The following ABAT variants were observed in gnomAD, a reference collection of about 807,000 sequenced individuals.
The protein encoded by ABAT is 4-aminobutyrate aminotransferase, also known as 4-aminobutyrate aminotransferase, mitochondrial.
ABAT carries 45 observed loss-of-function variants against 64.6 expected under a neutral mutation model. The ratio of observed to expected loss-of-function variants is 0.70; its 90% CI spans 0.55 to 0.89. The LOEUF is 0.89. ABAT is among the 40% of genes least tolerant of loss of function. ABAT has a pLI of 0.00. For missense variants in ABAT, 633 were observed against 658.4 expected (o/e 0.96, Z 0.42); for synonymous variants, 297 against 250.5 (o/e 1.19, Z -1.75).
At position 8,691,653 on chromosome 16, in the gene ABAT, C is replaced by G. The variant is rs141697608; in HGVS notation, c.-42+16942C>G. On this transcript the variant is annotated intron_variant, in intron 1 of 15. Coordinates refer to ENST00000268251, the MANE Select transcript of ABAT (RefSeq NM_020686.6). ...AGGGGGTTTCGCCATGTTGGCCAGG[C>G]GGGTCTCAAACTCCTGATCTCAGGC... is the stretch of plus-strand genomic sequence containing the variant. 7.3e-4 allele frequency among the ~76,000 whole-genome samples: 111 copies of G among 152,248 alleles called. 2 individuals carry two copies. The East Asian group carries it at 0.021, about 28-fold the overall frequency.
intron 2 of ABAT, among the ~76,000 whole-genome samples, chr16:8,744,899 T>C (rs1422371437): frequency 6.6e-6 from 1 of 152,128 alleles, no homozygotes; most frequent in African/African-American, 2.4e-5. Flanking sequence ...AAACAATTAA[T>C]GGGTGCATAA....
rs559831527 is a variant in ABAT at position 8,767,267 on chromosome 16, C to A, written c.604-926C>A. ...AAAGGGACAGGGCGTCCATGCACCCCTCCTGAACCCAAGGCGCAGCTGCCA... is the reference window on the plus strand; with the variant it reads ...AAAGGGACAGGGCGTCCATGCACCCATCCTGAACCCAAGGCGCAGCTGCCA... On this transcript the variant is annotated intron_variant, in intron 9 of 15. Transcript: ENST00000268251. Among the ~76,000 whole-genome samples, 59 of 152,386 alleles carry A rather than the reference C, an allele frequency of 3.9e-4. No homozygotes were observed. The South Asian group carries it at 0.012, about 32-fold the overall frequency.
intron 1 of ABAT, among the ~76,000 whole-genome samples, chr16:8,702,278 T>C (rs1380446824): frequency 4.0e-5 from 6 of 151,256 alleles, no homozygotes; most frequent in African/African-American, 9.7e-5. Context: ...TTTTTTTTTT[T>C]CTTTTGGTGT....
intron 10 of ABAT, 108 bp from the exon 11 acceptor site, chr16:8,768,717 C>T: frequency 6.7e-7 from 1 of 1,501,456 alleles, no homozygotes; most frequent in Admixed American, 1.7e-5. Flanking sequence ...AACAGGCCTC[C>T]CTGCCCACTG....
chr16:8,731,687 C>T (rs1220442387), intron 1 of ABAT: 1 of 150,710 alleles, frequency 6.6e-6, no homozygotes, highest in Admixed American at 6.6e-5. Flanking sequence ...TAAAATTTAC[C>T]ATCTTCACCA....
intron 10 of ABAT, 54 bp downstream of exon 10, chr16:8,768,310 G>T: frequency 6.4e-7 from 1 of 1,565,848 alleles, no homozygotes; most frequent in Non-Finnish European, 8.8e-7. Flanking sequence ...TAATAATAAC[G>T]GCAACAATAG....
At chr16:8,758,836 G>A (rs922501802) in intron 6 of ABAT, among the ~76,000 whole-genome samples, 5 of 152,108 alleles carry the variant, frequency 3.3e-5, no homozygotes, top group Non-Finnish European at 5.9e-5. Context: ...GGTGGCTCAC[G>A]CCTGTAATCC....
intron 14 of ABAT, among the ~76,000 whole-genome samples, chr16:8,777,893 G>T (rs2060313166): frequency 6.6e-6 from 1 of 152,164 alleles, no homozygotes; most frequent in African/African-American, 2.4e-5. Flanking sequence ...CAGGAGGATT[G>T]CCTTCAGCTC....
At chr16:8,742,636 G>A (rs755835895) in intron 2 of ABAT, among the ~76,000 whole-genome samples, 8 of 152,008 alleles carry the variant, frequency 5.3e-5, no homozygotes, top group African/African-American at 9.7e-5. Context: ...GGGCCAAGGC[G>A]GGTGGATTGC....
intron 1 of ABAT, among the ~76,000 whole-genome samples, chr16:8,720,326 C>A (rs2058331663): frequency 6.6e-6 from 1 of 152,368 alleles, no homozygotes; most frequent in Admixed American, 6.5e-5. Flanking sequence ...GGCCCAGCCA[C>A]ACTTTAGACC....
At chr16:8,728,981 T>G (rs2058638611) in intron 1 of ABAT, among the ~76,000 whole-genome samples, 1 of 152,168 alleles carries the variant, frequency 6.6e-6, no homozygotes, top group African/African-American at 2.4e-5. Flanking sequence ...TTCTGTGAAC[T>G]ACGTCATTTT....
At chr16:8,680,554 C>G (rs915767799) in intron 1 of ABAT, among the ~76,000 whole-genome samples, 5 of 152,026 alleles carry the variant, frequency 3.3e-5, no homozygotes, top group African/African-American at 1.2e-4. Context: ...TCCCAAGTAG[C>G]TGGGATTACA....
chr16:8,743,721 AAT>A (rs2059249946), intron 2 of ABAT, among the ~76,000 whole-genome samples: 1 of 147,826 alleles, frequency 6.8e-6, no homozygotes, highest in Non-Finnish European at 1.5e-5. Flanking sequence ...GTAGTTATAT[AAT>A]ATATATTTTT....
chr16:8,781,427 G>C lies in ABAT; in HGVS notation c.1500G>C (p.Lys500Asn), dbSNP rs2060437247. 1 of 1,614,068 alleles carries C rather than the reference G, an allele frequency of 6.2e-7. No homozygotes were observed. Among genetic ancestry groups the C allele is most frequent in the Non-Finnish European group, 8.5e-7 (1 of 1,180,052 alleles). ...TCAGTGACATCTTAGCAGACTTCAA[G>C]TAAAGAAGCCATTTCCACTACAGTG... The part of the protein sequence containing the change: ...NIFSDILADF[K>N] Residue 500 changes from lysine (K) to asparagine (N), a missense_variant, in exon 16 of 16, where the codon AAG becomes AAC. Transcript: ENST00000268251. This position sits in a 1 kb window ranked among gnomAD's most constrained non-coding sequence, Gnocchi z 4.5.
In ABAT at chr16:8,757,055, C is replaced by T. The variant is rs145580738; in HGVS notation, c.317-702C>T. 3.5e-4 allele frequency: 146 copies of T among 422,006 alleles called. No homozygotes were observed. The East Asian group carries it at 6.5e-3, about 19-fold the overall frequency. 26.1% of individuals were successfully genotyped at this position (422,006 alleles called of 1,614,324 possible). A position where few individuals can be genotyped will look rare whatever the true frequency, so the allele number is the denominator to read the frequency against. ...AACATTTGTCGAGATTTGACTCAGC[C>T]CATGGGCGCTGGGAAGGAAGGTGAG... On this transcript the variant is annotated intron_variant, in intron 5 of 15. Transcript: ENST00000268251.
chr16:8,741,698 G>A (rs12149630), intron 2 of ABAT, among the ~76,000 whole-genome samples: 11,973 of 152,228 alleles, frequency 0.079, 605 homozygotes, highest in South Asian at 0.18. Context: ...ATCATTAAGA[G>A]AATATTCATT....
chr16:8,739,797 T>A (rs1272914810), intron 2 of ABAT, among the ~76,000 whole-genome samples: 1 of 151,990 alleles, frequency 6.6e-6, no homozygotes, highest in African/African-American at 2.4e-5. Flanking sequence ...ATCACAGAGT[T>A]TCTTACCTTT....
At chr16:8,706,765 G>A (rs1311867685) in intron 1 of ABAT, among the ~76,000 whole-genome samples, 3 of 152,172 alleles carry the variant, frequency 2.0e-5, no homozygotes, top group Non-Finnish European at 2.9e-5. Context: ...GTGATGAGTG[G>A]AAAGAATTAC....
chr16:8,696,204 T>G (rs1035491804), intron 1 of ABAT, among the ~76,000 whole-genome samples: 11 of 152,192 alleles, frequency 7.2e-5, no homozygotes, highest in African/African-American at 2.7e-4. Flanking sequence ...TTCCTACTGT[T>G]GCACTCCATT....
Sources: allele counts gnomAD v4.1 joint callset (sites outside exome capture counted in the v4.1 genomes callset), GRCh38; gene constraint gnomAD v4.1.1; non-coding constraint Gnocchi (gnomAD v3.1); transcripts MANE v1.5; gene names NCBI Gene and HGNC (gene_info 2026-07-23, HGNC 2026-07-21).